The following ALDH1L1 variants were observed in gnomAD, a reference collection of about 807,000 sequenced individuals.
ALDH1L1 encodes cytosolic 10-formyltetrahydrofolate dehydrogenase.
ALDH1L1 carries 68 observed loss-of-function variants against 101.1 expected under a neutral mutation model. The observed-to-expected ratio is 0.67, with a 90% confidence interval of 0.55 to 0.82. The LOEUF is 0.82. Ranked by LOEUF, ALDH1L1 falls within the 40% of genes least tolerant of loss-of-function variation. ALDH1L1 has a pLI of 0.00. For synonymous variants in ALDH1L1, 486 were observed against 470.8 expected, an observed-to-expected ratio of 1.03 and a Z score of -0.42; for missense variants, 1,087 against 1,172.7, an observed-to-expected ratio of 0.93 and a Z score of 1.07.
intron 1 of ALDH1L1, among the ~76,000 whole-genome samples, chr3:126,162,762 G>T (rs1208145514): frequency 6.6e-6 from 1 of 151,952 alleles, no homozygotes; most frequent in Non-Finnish European, 1.5e-5. Flanking sequence ...AAAAATCTTT[G>T]CCTACTCCAA....
chr3:126,170,451 C>G (rs1351265078), intron 1 of ALDH1L1, among the ~76,000 whole-genome samples: 2 of 142,568 alleles, frequency 1.4e-5, no homozygotes, highest in African/African-American at 5.3e-5. Context: ...AAAGTTACTT[C>G]TGTCTCAACC....
chr3:126,111,401 C>T (rs1191022737), intron 19 of ALDH1L1, among the ~76,000 whole-genome samples: 6 of 152,258 alleles, frequency 3.9e-5, no homozygotes, highest in African/African-American at 7.2e-5. Context: ...AGCTGTCCCA[C>T]GAAGCCACCC....
At chr3:126,159,321 G>A in intron 2 of ALDH1L1, 2 of 415,446 alleles carry the variant, frequency 4.8e-6, no homozygotes, top group South Asian at 3.7e-5. Flanking sequence ...CACAGGTCTG[G>A]ATTACAGGCC....
intron 21 of ALDH1L1, among the ~76,000 whole-genome samples, chr3:126,106,339 C>T (rs1945869602): frequency 6.6e-6 from 1 of 152,228 alleles, no homozygotes; most frequent in Non-Finnish European, 1.5e-5. Flanking sequence ...ATACCACTGA[C>T]ATACGATGAT....
chr3:126,180,514 G>A lies in ALDH1L1; in HGVS notation c.-62C>T. 1 of 1,012,876 alleles carries A rather than the reference G, an allele frequency of 9.9e-7. No homozygotes were observed. The highest frequency in any genetic ancestry group is 1.2e-6 in the Non-Finnish European group (1 of 846,302). 62.7% of individuals were successfully genotyped at this position (1,012,876 alleles called of 1,614,324 possible). A position where few individuals can be genotyped will look rare whatever the true frequency, so the allele number is the denominator to read the frequency against. On this transcript the variant is annotated 5_prime_UTR_variant, in exon 1 of 23. Coordinates refer to ENST00000393434, the MANE Select transcript of ALDH1L1 (RefSeq NM_012190.4). The stretch of plus-strand genomic sequence containing the variant: ...TGGTGCGGGCGTCCCGGGCAGGTTA[G>A]ACTTCTGTGAGCCGCAGCCCCGAAA...
At chr3:126,183,611 C>G (rs1339366083), upstream of ALDH1L1, among the ~76,000 whole-genome samples, 1 of 152,196 alleles carries the variant, frequency 6.6e-6, no homozygotes, top group Admixed American at 6.5e-5. Flanking sequence ...TTAGAATTGC[C>G]GTACACTAGT....
At position 126,121,673 on chromosome 3, in the gene ALDH1L1, T is replaced by C. The variant is rs182121254; in HGVS notation, c.1888+2691A>G. Among the ~76,000 whole-genome samples, 591 of 152,224 alleles carry C rather than the reference T, an allele frequency of 3.9e-3. 3 individuals carry two copies. The highest frequency in any genetic ancestry group is 0.013 in the African/African-American group (546 of 41,534). On this transcript the variant is annotated intron_variant, in intron 16 of 22. Coordinates refer to ENST00000393434, the MANE Select transcript of ALDH1L1 (RefSeq NM_012190.4). ...AATTCTTCTAAGGGCATACGACAAA[T>C]GGAGAAACATTCTTCAAGAAAATCT...
intron 8 of ALDH1L1, among the ~76,000 whole-genome samples, chr3:126,149,197 T>C (rs567155137): frequency 1.3e-5 from 2 of 152,364 alleles, no homozygotes; most frequent in East Asian, 3.9e-4. Flanking sequence ...TCCAGAAGTA[T>C]CTGCTTTTCT....
At chr3:126,148,607 C>T (rs3843355) in intron 8 of ALDH1L1, among the ~76,000 whole-genome samples, 1 of 151,954 alleles carries the variant, frequency 6.6e-6, no homozygotes, top group Admixed American at 6.6e-5. Context: ...GCACGGTGAA[C>T]AGCTAGAGGA....
In ALDH1L1 at chr3:126,158,379, C is replaced by T. The variant is rs908461236; in HGVS notation, c.362+26G>A. The T allele has an allele frequency of 2.0e-6, 3 of 1,527,252 alleles. No homozygotes were observed. The African/African-American group carries it at 4.1e-5, about 21-fold the overall frequency. 94.6% of individuals were successfully genotyped at this position (1,527,252 alleles called of 1,614,324 possible). A position where few individuals can be genotyped will look rare whatever the true frequency, so the allele number is the denominator to read the frequency against. On this transcript the variant is annotated intron_variant, in intron 3 of 22. Coordinates refer to ENST00000393434, the MANE Select transcript of ALDH1L1 (RefSeq NM_012190.4). ...GATGGAGGGACATGTATGGGGATGG[C>T]CCCCTGTGTTTTTGCCCCATCTCAC... is the stretch of plus-strand genomic sequence containing the variant.
intron 1 of ALDH1L1, among the ~76,000 whole-genome samples, chr3:126,196,070 C>A (rs527857024): frequency 1.1e-4 from 17 of 152,094 alleles, no homozygotes; most frequent in African/African-American, 4.1e-4. Flanking sequence ...ATGTAACAAA[C>A]CTGCACATTG....
chr3:126,181,416 C>T (rs931761624), upstream of ALDH1L1: 2 of 282,906 alleles, frequency 7.1e-6, no homozygotes, highest in Non-Finnish European at 1.4e-5. Flanking sequence ...ACCTGGCCCT[C>T]TCTCTGCTCA....
chr3:126,119,465 C>CT (rs2080037816), intron 16 of ALDH1L1, among the ~76,000 whole-genome samples: 1 of 152,186 alleles, frequency 6.6e-6, no homozygotes, highest in South Asian at 2.1e-4. Flanking sequence ...TGACACCTCC[C>CT]TTTTCCATCC....
chr3:126,147,004 A>T, intron 8 of ALDH1L1, 78 bp from the exon 9 acceptor site: 1 of 1,383,816 alleles, frequency 7.2e-7, no homozygotes, highest in Non-Finnish European at 1.0e-6. Flanking sequence ...CAACCCCTGA[A>T]CAGACTCATG....
chr3:126,136,987 G>C (rs2080460785), intron 10 of ALDH1L1, 104 bp from the exon 11 acceptor site: 2 of 1,491,094 alleles, frequency 1.3e-6, no homozygotes, highest in Non-Finnish European at 1.8e-6. Context: ...GGGCCTCCTG[G>C]GGCTTCAGAG....
intron 1 of ALDH1L1, among the ~76,000 whole-genome samples, chr3:126,172,020 C>T (rs1410353320): frequency 6.6e-6 from 1 of 152,112 alleles, no homozygotes; most frequent in African/African-American, 2.4e-5. Context: ...TAGACAAAAA[C>T]AAGAAGATGA....
At chr3:126,154,398 G>C (rs1313846163) in intron 6 of ALDH1L1, among the ~76,000 whole-genome samples, 156 bp downstream of exon 6, 1 of 152,202 alleles carries the variant, frequency 6.6e-6, no homozygotes, top group Admixed American at 6.5e-5. Context: ...TCTCACTCCT[G>C]GGGAAAGGCT....
intron 2 of ALDH1L1, chr3:126,160,569 C>T (rs1349014274): frequency 2.5e-5 from 10 of 393,562 alleles, no homozygotes; most frequent in Non-Finnish European, 4.5e-5. Context: ...GTCAGAGAAG[C>T]TCTGTGTGGG....
At chr3:126,187,411 TC>T (rs1441496341) in intron 1 of ALDH1L1, among the ~76,000 whole-genome samples, 1 of 151,774 alleles carries the variant, frequency 6.6e-6, no homozygotes, top group African/African-American at 2.4e-5. Context: ...TGGTACAAGA[TC>T]CCCCCTTGTG....
Sources: gnomAD v4.1 joint callset for allele counts (sites outside exome capture counted in the v4.1 genomes callset) on GRCh38, gnomAD v4.1.1 for gene constraint, MANE v1.5 for transcripts, NCBI Gene and HGNC (gene_info 2026-07-23, HGNC 2026-07-21) for gene names.